Variants in LZTS1 observed in about 807,000 individuals in gnomAD.
The protein encoded by LZTS1 is leucine zipper putative tumor suppressor 1.
In LZTS1, 31 loss-of-function variants were observed where a neutral mutation model predicts 45.8. The observed-to-expected ratio is 0.68, with a 90% CI of 0.51 to 0.91. The LOEUF (loss-of-function observed/expected upper bound fraction) is 0.91. Ranked by LOEUF, LZTS1 falls within the 40% of genes least tolerant of loss-of-function variation. The pLI is 0.00. For missense variants in LZTS1, 821 were observed against 788.9 expected, an observed-to-expected ratio of 1.04 and a Z score of -0.49; for synonymous variants, 359 against 357.3, an observed-to-expected ratio of 1.00 and a Z score of -0.05.
At chr8:20,277,281 C>A (rs1472046218) in intron 1 of LZTS1, among the ~76,000 whole-genome samples, 1 of 152,198 alleles carries the variant, frequency 6.6e-6, no homozygotes, top group African/African-American at 2.4e-5. Flanking sequence ...CAGGAAATTA[C>A]CGTATATGGT....
At chr8:20,284,600 A>T (rs1223405346) in intron 1 of LZTS1, among the ~76,000 whole-genome samples, 1 of 152,086 alleles carries the variant, frequency 6.6e-6, no homozygotes, top group Non-Finnish European at 1.5e-5. Context: ...TTACGTGTAC[A>T]TTGTCCGTGG....
At chr8:20,270,569 G>A (rs896181070) in intron 1 of LZTS1, among the ~76,000 whole-genome samples, 2 of 152,160 alleles carry the variant, frequency 1.3e-5, no homozygotes, top group Non-Finnish European at 2.9e-5. Context: ...AGGAAGGCTG[G>A]AAAGCCCTCT....
intron 1 of LZTS1, among the ~76,000 whole-genome samples, chr8:20,268,881 G>C (rs1321644758): frequency 2.0e-5 from 3 of 152,090 alleles, no homozygotes; most frequent in Non-Finnish European, 4.4e-5. Context: ...TCATTCCATC[G>C]GGTCGAACAA....
chr8:20,278,849 C>T (rs1191441783), intron 1 of LZTS1, among the ~76,000 whole-genome samples: 3 of 152,214 alleles, frequency 2.0e-5, no homozygotes, highest in Non-Finnish European at 4.4e-5. Flanking sequence ...TCTTTTCCAG[C>T]CTCTCCTCTC....
At chr8:20,276,887 C>T (rs190370359) in intron 1 of LZTS1, among the ~76,000 whole-genome samples, 24 of 152,202 alleles carry the variant, frequency 1.6e-4, no homozygotes, top group African/African-American at 4.1e-4. Context: ...CAGAGGAAAA[C>T]GGTTTATTTA....
At chr8:20,281,852 A>T (rs1033379515) in intron 1 of LZTS1, among the ~76,000 whole-genome samples, 2 of 152,314 alleles carry the variant, frequency 1.3e-5, no homozygotes, top group African/African-American at 4.8e-5. Flanking sequence ...ACCCAGTCTC[A>T]GGTATTCCTT....
chr8:20,289,533 G>A (rs1053099323), intron 1 of LZTS1, among the ~76,000 whole-genome samples: 1 of 152,138 alleles, frequency 6.6e-6, no homozygotes, highest in Non-Finnish European at 1.5e-5. Flanking sequence ...CCCACCTCCT[G>A]GTCCCTCAAC....
chr8:20,287,754 C>G (rs1001683332), intron 1 of LZTS1, among the ~76,000 whole-genome samples: 1 of 151,976 alleles, frequency 6.6e-6, no homozygotes, highest in Non-Finnish European at 1.5e-5. Context: ...TGGTGCAACC[C>G]CATCTCTACT....
intron 1 of LZTS1, 112 bp from the exon 2 acceptor site, chr8:20,255,427 T>C (rs1800074736): frequency 3.0e-6 from 2 of 657,280 alleles, no homozygotes; most frequent in Non-Finnish European, 4.7e-6. Flanking sequence ...AGCCCAGCAC[T>C]GTCTCCACCA....
intron 2 of LZTS1, 85 bp downstream of exon 2, chr8:20,254,752 C>G (rs988387992): frequency 8.6e-6 from 10 of 1,162,436 alleles, no homozygotes; most frequent in Non-Finnish European, 1.2e-5. Context: ...GTCACCACTC[C>G]CCCTGAACCC....
intron 1 of LZTS1, among the ~76,000 whole-genome samples, chr8:20,272,765 G>A (rs1000760322): frequency 5.9e-5 from 9 of 152,184 alleles, no homozygotes; most frequent in African/African-American, 2.2e-4. Context: ...CTGTCACCGT[G>A]AAACAGAAGT....
chr8:20,299,192 G>A (rs1433206180), intron 1 of LZTS1, among the ~76,000 whole-genome samples: 2 of 152,176 alleles, frequency 1.3e-5, no homozygotes, highest in East Asian at 1.9e-4. Context: ...GTTCTTGGAA[G>A]AGAGAGCCCT....
chr8:20,251,878 T>C (rs1029449869), intron 3 of LZTS1, among the ~76,000 whole-genome samples: 4 of 152,216 alleles, frequency 2.6e-5, no homozygotes, highest in Admixed American at 1.3e-4. Flanking sequence ...CCAAAACCAA[T>C]ACCATTGGTG....
At position 20,303,925 on chromosome 8, in the gene LZTS1, C is replaced by G. The variant is rs1413764288; in HGVS notation, c.-320G>C. ...GAAACTTTCGGCCTCCCCGCCCGGCCGCTGCCAACCCGCCAGCTCCAGGCG... is the reference window on the plus strand; with the variant it reads ...GAAACTTTCGGCCTCCCCGCCCGGCGGCTGCCAACCCGCCAGCTCCAGGCG... On this transcript the variant is annotated 5_prime_UTR_variant, in exon 1 of 4. Transcript: ENST00000381569. The G allele has an allele frequency of 4.1e-6, 4 of 983,662 alleles. No individual in the cohort carries two copies. Among genetic ancestry groups the G allele is most frequent in the East Asian group, 1.1e-4 (1 of 8,790 alleles). 60.9% of individuals were successfully genotyped at this position (983,662 alleles called of 1,614,324 possible).
chr8:20,268,765 G>C (rs1800415902), intron 1 of LZTS1, among the ~76,000 whole-genome samples: 1 of 152,100 alleles, frequency 6.6e-6, no homozygotes, highest in Non-Finnish European at 1.5e-5. Context: ...GCTGGGGGGA[G>C]AGGCTGCTGG....
Position 20,250,077 on chromosome 8 carries a change from C to T in LZTS1, c.1436G>A (p.Arg479Gln), listed in dbSNP as rs1226738822. 1.9e-5 allele frequency: 31 copies of T among 1,607,184 alleles called. No individual in the cohort carries two copies. In the East Asian group the frequency reaches 2.0e-4, roughly 10 times the overall value. ...NLLEQELQEL[R>Q]AQAALARDMG... is the part of the protein sequence containing the mutation. Reference sequence around the variant, plus strand: ...GTCGCGGGCCAGGGCGGCCTGGGCCCGCAGCTCCTGCAGCTCCTGCTCCAG... The same window carrying T: ...GTCGCGGGCCAGGGCGGCCTGGGCCTGCAGCTCCTGCAGCTCCTGCTCCAG... Residue 479 changes from arginine (R) to glutamine (Q), a missense_variant, in exon 4 of 4, where the codon CGG becomes CAG. Arg to Gln is a conservative substitution (Grantham distance 43). Transcript: ENST00000381569.
Position 20,255,056 on chromosome 8 carries a change from C to T in LZTS1, c.126G>A (p.Leu42=), listed in dbSNP as rs1250266669. 1 of 1,614,104 alleles carries T rather than the reference C, an allele frequency of 6.2e-7. No homozygotes were observed. Among genetic ancestry groups the T allele is most frequent in the African/African-American group, 1.3e-5 (1 of 74,918 alleles). The stretch of plus-strand genomic sequence containing the variant: ...CGGAGTCCTGGGAGAAGCCAAACCT[C>T]AGCAGCCCGTCGGAATACCGGTTGA... The part of the protein sequence containing the change: ...KKLNRYSDGL[L]RFGFSQDSGH... Residue 42 remains leucine (L), a synonymous_variant, in exon 2 of 4, where the codon CTG becomes CTA. Coordinates refer to ENST00000381569, the MANE Select transcript of LZTS1 (RefSeq NM_021020.5).
chr8:20,296,307 C>T (rs557660003), intron 1 of LZTS1, among the ~76,000 whole-genome samples: 29 of 152,202 alleles, frequency 1.9e-4, no homozygotes, highest in Admixed American at 7.2e-4. Flanking sequence ...GGTTTGAGAA[C>T]AATGCCCACT....
At chr8:20,283,362 C>A (rs1030732985) in intron 1 of LZTS1, among the ~76,000 whole-genome samples, 7 of 152,126 alleles carry the variant, frequency 4.6e-5, no homozygotes, top group Admixed American at 4.6e-4. Flanking sequence ...CATCTGAAGA[C>A]ATAGCAAGAA....
Sources: allele counts gnomAD v4.1 joint callset (sites outside exome capture counted in the v4.1 genomes callset), GRCh38; gene constraint gnomAD v4.1.1; transcripts MANE v1.5; gene names NCBI Gene and HGNC (gene_info 2026-07-23, HGNC 2026-07-21).